The following LUZP2 variants were observed in gnomAD, a reference collection of about 807,000 sequenced individuals.
LUZP2 encodes the protein leucine zipper protein 2.
A neutral mutation model predicts 51.6 loss-of-function variants in LUZP2; 52 were observed. The observed-to-expected ratio is 1.01, with a 90% CI of 0.81 to 1.27. LUZP2 has a LOEUF of 1.27. Ranked by LOEUF, LUZP2 falls within the 50% of genes most tolerant of loss-of-function variation. LUZP2 has a pLI of 0.00. For missense variants in LUZP2, 436 were observed against 395.4 expected (o/e 1.10, Z -0.87); for synonymous variants, 154 against 137.3 (o/e 1.12, Z -0.85).
intron 5 of LUZP2, among the ~76,000 whole-genome samples, chr11:24,851,346 A>T (rs1036868471): frequency 6.6e-6 from 1 of 152,276 alleles, no homozygotes; most frequent in East Asian, 1.9e-4. Flanking sequence ...CCCTTTCTGC[A>T]TCTATTGAGA....
chr11:24,786,071 T>C, intron 5 of LUZP2: 1 of 985,344 alleles, frequency 1.0e-6, no homozygotes, highest in Non-Finnish European at 1.2e-6. Flanking sequence ...GGCACATTTT[T>C]CATCGGCTGG....
chr11:25,015,096 C>T (rs1047896805), intron 9 of LUZP2, among the ~76,000 whole-genome samples: 18 of 151,962 alleles, frequency 1.2e-4, no homozygotes, highest in African/African-American at 4.3e-4. Flanking sequence ...ATATTTTTGT[C>T]ATGTATAATT....
intron 9 of LUZP2, among the ~76,000 whole-genome samples, chr11:25,026,292 A>G (rs894751928): frequency 7.9e-5 from 12 of 152,192 alleles, no homozygotes; most frequent in African/African-American, 2.2e-4. Context: ...AAAGTATAAT[A>G]AAAACATGTA....
At chr11:24,904,315 C>T (rs1017910384) in intron 5 of LUZP2, among the ~76,000 whole-genome samples, 1 of 151,958 alleles carries the variant, frequency 6.6e-6, no homozygotes, top group African/African-American at 2.4e-5. Flanking sequence ...CAGAGTCTTG[C>T]TCTGCCACCC....
At chr11:24,665,650 G>A (rs537649952) in intron 1 of LUZP2, among the ~76,000 whole-genome samples, 8 of 152,092 alleles carry the variant, frequency 5.3e-5, no homozygotes, top group South Asian at 2.1e-4. Flanking sequence ...TTTGTCATGC[G>A]CTCGGATGGT....
intron 5 of LUZP2, among the ~76,000 whole-genome samples, chr11:24,776,393 T>G (rs2631403): frequency 0.53 from 80,861 of 151,928 alleles, 21,914 homozygotes; most frequent in Non-Finnish European, 0.6. Context: ...TAAGCCTGAG[T>G]CACATTTCTG....
chr11:24,553,737 G>A (rs1353300957), intron 1 of LUZP2, among the ~76,000 whole-genome samples: 2 of 152,048 alleles, frequency 1.3e-5, no homozygotes, highest in African/African-American at 4.8e-5. Context: ...CCAAGCTATG[G>A]TACGTATCTG....
rs1232664702 is a variant in LUZP2 at position 25,078,995 on chromosome 11, A to T, written c.*337A>T. The T allele has an allele frequency of 5.6e-6, 1 of 180,168 alleles. No individual in the cohort carries two copies. The highest frequency in any genetic ancestry group is 1.7e-4 in the East Asian group (1 of 5,950). 11.2% of individuals were successfully genotyped at this position (180,168 alleles called of 1,614,324 possible). Reference sequence around the variant, plus strand: ...CTTCTATGATATAGTTGTCAAAATCAACTGGAGGATAATAAAATATTGTGG... The same window carrying T: ...CTTCTATGATATAGTTGTCAAAATCTACTGGAGGATAATAAAATATTGTGG... On this transcript the variant is annotated 3_prime_UTR_variant, in exon 12 of 12. Coordinates refer to ENST00000336930, the MANE Select transcript of LUZP2 (RefSeq NM_001009909.4).
intron 7 of LUZP2, among the ~76,000 whole-genome samples, chr11:24,964,163 A>G (rs1456426454): frequency 6.6e-6 from 1 of 152,162 alleles, no homozygotes; most frequent in Non-Finnish European, 1.5e-5. Flanking sequence ...CATTCCTGCC[A>G]ATGTTTGTTA....
At chr11:24,578,154 AC>A (rs1852720710) in intron 1 of LUZP2, among the ~76,000 whole-genome samples, 2 of 104,084 alleles carry the variant, frequency 1.9e-5, no homozygotes, top group Admixed American at 1.0e-4. Flanking sequence ...TTTTCAGCTT[AC>A]TTTTTAATTT....
intron 5 of LUZP2, among the ~76,000 whole-genome samples, chr11:24,835,123 G>T (rs1279589013): frequency 6.6e-6 from 1 of 151,990 alleles, no homozygotes; most frequent in Admixed American, 6.6e-5. Flanking sequence ...ATAGACAAAT[G>T]GAATAGAACA....
At chr11:24,784,615 G>A (rs1345483489) in intron 5 of LUZP2, among the ~76,000 whole-genome samples, 1 of 151,870 alleles carries the variant, frequency 6.6e-6, no homozygotes, top group Non-Finnish European at 1.5e-5. Flanking sequence ...GTTTTGCAAG[G>A]GAAGTGTCTT....
chr11:24,620,554 A>G (rs1854460429), intron 1 of LUZP2, among the ~76,000 whole-genome samples: 1 of 152,204 alleles, frequency 6.6e-6, no homozygotes, highest in Non-Finnish European at 1.5e-5. Context: ...TCTGTAGATC[A>G]AATACTGCAA....
chr11:25,057,559 CAT>C (rs1235316650), intron 10 of LUZP2, among the ~76,000 whole-genome samples: 8 of 152,116 alleles, frequency 5.3e-5, no homozygotes, highest in African/African-American at 1.9e-4. Flanking sequence ...AAATGTGCCT[CAT>C]ATTGTTTAAT....
rs535814339 is a variant in LUZP2 at position 24,622,279 on chromosome 11, TC to T, written c.63-106884del. ...ATCTCCTAATGCTATCCCTCCCCTC[TC>T]CCCCCTCCCCACAACAGGCCCCAGT... On this transcript the variant is annotated intron_variant, in intron 1 of 11. Coordinates refer to ENST00000336930, the MANE Select transcript of LUZP2 (RefSeq NM_001009909.4). 3.7e-4 allele frequency among the ~76,000 whole-genome samples: 55 copies of T among 148,524 alleles called. No individual in the cohort carries two copies. The South Asian group carries it at 0.012, about 33-fold the overall frequency.
intron 5 of LUZP2, among the ~76,000 whole-genome samples, chr11:24,813,832 G>A (rs1850092892): frequency 1.3e-5 from 2 of 152,200 alleles, no homozygotes. Context: ...CTGGGAGGCA[G>A]GATAGAATAG....
At chr11:25,032,112 AC>A (rs1857708065) in intron 9 of LUZP2, among the ~76,000 whole-genome samples, 1 of 152,134 alleles carries the variant, frequency 6.6e-6, no homozygotes, top group South Asian at 2.1e-4. Flanking sequence ...AAAGGATGTG[AC>A]TAGGCTCTAA....
At chr11:25,031,766 A>G (rs1299364083) in intron 9 of LUZP2, among the ~76,000 whole-genome samples, 1 of 152,066 alleles carries the variant, frequency 6.6e-6, no homozygotes, top group East Asian at 1.9e-4. Context: ...CATTCCTAAC[A>G]TTTAACATAT....
chr11:24,967,897 A>G (rs2133891130), intron 7 of LUZP2, among the ~76,000 whole-genome samples: 1 of 152,232 alleles, frequency 6.6e-6, no homozygotes, highest in African/African-American at 2.4e-5. Flanking sequence ...AATCATATAT[A>G]CATATATTAA....
Sources: gnomAD v4.1 joint callset for allele counts (sites outside exome capture counted in the v4.1 genomes callset) on GRCh38, gnomAD v4.1.1 for gene constraint, MANE v1.5 for transcripts, NCBI Gene and HGNC (gene_info 2026-07-23, HGNC 2026-07-21) for gene names.